The following CELF4 variants were observed in gnomAD, a reference collection of about 807,000 sequenced individuals.
CELF4 encodes CUG-BP- and ETR-3-like factor 4.
CELF4 carries 18 observed loss-of-function variants against 59.9 expected under a neutral mutation model. That is an observed-to-expected ratio of 0.30 (90% CI 0.21 to 0.45). The LOEUF (loss-of-function observed/expected upper bound fraction) is 0.45. CELF4 is among the 20% of genes least tolerant of loss of function. The pLI, the probability that CELF4 is intolerant of heterozygous loss-of-function variation, is 1.00. For missense variants in CELF4, 456 were observed against 689.0 expected (o/e 0.66, Z 3.79); for synonymous variants, 261 against 267.1 (o/e 0.98, Z 0.22).
At chr18:37,392,486 A>G (rs2099173274) in intron 2 of CELF4, among the ~76,000 whole-genome samples, 3 of 152,220 alleles carry the variant, frequency 2.0e-5, no homozygotes, top group Admixed American at 6.5e-5. Flanking sequence ...CTAGAAACCC[A>G]GAGCTGAGAG....
At chr18:37,273,320 C>T (rs2154355936) in intron 6 of CELF4, 157 bp from the exon 7 acceptor site, 1 of 1,430,116 alleles carries the variant, frequency 7.0e-7, no homozygotes, top group Non-Finnish European at 9.2e-7. Flanking sequence ...CATTCTTGCC[C>T]TGTACCTCAA....
intron 2 of CELF4, among the ~76,000 whole-genome samples, chr18:37,369,186 G>A (rs1160978739): frequency 8.5e-5 from 13 of 152,100 alleles, no homozygotes; most frequent in African/African-American, 3.1e-4. Flanking sequence ...CCACCATGGG[G>A]CTCCCAACAC....
intron 2 of CELF4, among the ~76,000 whole-genome samples, chr18:37,394,709 G>A (rs894855052): frequency 6.6e-5 from 10 of 152,158 alleles, no homozygotes; most frequent in African/African-American, 2.4e-5. Flanking sequence ...TGAGAAGGTG[G>A]GAGGACTGAA....
intron 1 of CELF4, among the ~76,000 whole-genome samples, chr18:37,488,742 C>T (rs143264440): frequency 1.8e-4 from 28 of 152,310 alleles, no homozygotes; most frequent in African/African-American, 6.0e-4. Context: ...CCAGTGAAAA[C>T]CCCTTTCCTC....
chr18:37,307,667 C>T (rs866280375), intron 3 of CELF4, among the ~76,000 whole-genome samples: 28 of 152,026 alleles, frequency 1.8e-4, no homozygotes, highest in Admixed American at 9.2e-4. Flanking sequence ...GTAGGGAGGA[C>T]GTCTGCGTAG....
At chr18:37,305,993 C>A (rs912750576) in intron 3 of CELF4, 7 of 152,276 alleles carry the variant, frequency 4.6e-5, no homozygotes, top group African/African-American at 1.7e-4. Context: ...GGGGCACCCA[C>A]TCTGCTTACA....
chr18:37,431,974 C>T (rs892911729), intron 2 of CELF4, among the ~76,000 whole-genome samples: 1 of 152,210 alleles, frequency 6.6e-6, no homozygotes, highest in Non-Finnish European at 1.5e-5. Context: ...TAGGTCCCCC[C>T]ACCTTGAACA....
intron 2 of CELF4, among the ~76,000 whole-genome samples, chr18:37,455,913 TG>T (rs1453174162): frequency 6.6e-6 from 1 of 152,186 alleles, no homozygotes; most frequent in African/African-American, 2.4e-5. Context: ...GGAGCCTGTC[TG>T]CACCCCCAGA....
At chr18:37,300,228 CT>C (rs397963393) in intron 3 of CELF4, among the ~76,000 whole-genome samples, 570 of 144,830 alleles carry the variant, frequency 3.9e-3, no homozygotes, top group African/African-American at 8.3e-3. Context: ...TGCTCCAGCA[CT>C]TTTTTTTTTT....
intron 3 of CELF4, chr18:37,275,572 G>T: frequency 2.9e-6 from 1 of 347,526 alleles, no homozygotes; most frequent in South Asian, 2.8e-5. Context: ...GAGACCCTGG[G>T]CTGACCCCTC....
At chr18:37,420,972 C>T (rs775985470) in intron 2 of CELF4, among the ~76,000 whole-genome samples, 9 of 152,194 alleles carry the variant, frequency 5.9e-5, no homozygotes, top group Non-Finnish European at 1.2e-4. Flanking sequence ...TTGGCTTGAA[C>T]CTAGGACATT....
intron 2 of CELF4, among the ~76,000 whole-genome samples, chr18:37,366,576 G>T (rs2098787127): frequency 6.6e-6 from 1 of 152,206 alleles, no homozygotes; most frequent in South Asian, 2.1e-4. Context: ...TCCCTGCTCA[G>T]TAGGACCTGA....
In CELF4 at chr18:37,385,061, A is replaced by C. The variant is rs373587017; in HGVS notation, c.370-63180T>G. 1.8e-3 allele frequency among the ~76,000 whole-genome samples: 281 copies of C among 152,284 alleles called. 1 individual carries two copies. The highest frequency in any genetic ancestry group is 6.7e-3 in the African/African-American group (278 of 41,568). ...ATTTTTTTGTTAAGGAAATGTGATC[A>C]CTAGGCTGGGCGTGGTGGCTCACGC... On this transcript the variant is annotated intron_variant, in intron 2 of 12. Coordinates refer to ENST00000420428, the MANE Select transcript of CELF4 (RefSeq NM_020180.4).
chr18:37,527,333 G>A (rs2099965040), intron 1 of CELF4, among the ~76,000 whole-genome samples: 1 of 151,822 alleles, frequency 6.6e-6, no homozygotes, highest in Non-Finnish European at 1.5e-5. Flanking sequence ...AAGCAGGAGA[G>A]GAGCTCGAGC....
intron 1 of CELF4, among the ~76,000 whole-genome samples, chr18:37,529,616 G>A (rs1430794570): frequency 6.6e-6 from 1 of 152,156 alleles, no homozygotes; most frequent in Non-Finnish European, 1.5e-5. Flanking sequence ...TACAGCCAAG[G>A]GGAGCTGACA....
chr18:37,553,345 G>A (rs1453135871), intron 1 of CELF4, among the ~76,000 whole-genome samples: 1 of 152,118 alleles, frequency 6.6e-6, no homozygotes, highest in Non-Finnish European at 1.5e-5. Flanking sequence ...TAATCTGTGG[G>A]TTCTCCACCC....
At chr18:37,286,660 G>A (rs890683673) in intron 3 of CELF4, among the ~76,000 whole-genome samples, 32 of 152,238 alleles carry the variant, frequency 2.1e-4, no homozygotes, top group Non-Finnish European at 4.3e-4. Flanking sequence ...CCATCTTCCC[G>A]GGGAGGTGCA....
At chr18:37,413,747 T>C (rs1178548147) in intron 2 of CELF4, among the ~76,000 whole-genome samples, 4 of 152,160 alleles carry the variant, frequency 2.6e-5, no homozygotes, top group Admixed American at 2.0e-4. Flanking sequence ...CCCACATCCT[T>C]CCAGAGCCCC....
chr18:37,548,885 G>C lies in CELF4; in HGVS notation c.286+16471C>G, dbSNP rs1188318484. ...ACCTCTGCAGCAGGCAGTGTCCAAG[G>C]CACGAAACACTGCCCACCCCCAGGA... On this transcript the variant is annotated intron_variant, in intron 1 of 12. Transcript: ENST00000420428. Among the ~76,000 whole-genome samples the C allele has an allele frequency of 2.6e-5, 4 of 152,196 alleles. No homozygotes were observed. The South Asian group carries it at 6.2e-4, about 24-fold the overall frequency.
Sources: allele counts gnomAD v4.1 joint callset (sites outside exome capture counted in the v4.1 genomes callset), GRCh38; gene constraint gnomAD v4.1.1; transcripts MANE v1.5; gene names NCBI Gene and HGNC (gene_info 2026-07-23, HGNC 2026-07-21).